The following SARS2 variants were observed in gnomAD, a reference collection of about 807,000 sequenced individuals.
SARS2 encodes seryl-tRNA synthetase 2, mitochondrial.
SARS2 carries 52 observed loss-of-function variants against 66.8 expected under a neutral mutation model. That is an observed-to-expected ratio of 0.78 (90% confidence interval 0.62 to 0.98). The LOEUF is 0.98. Ranked by LOEUF, SARS2 falls within the 50% of genes least tolerant of loss-of-function variation. SARS2 has a pLI of 0.00. For missense variants in SARS2, 673 were observed against 706.3 expected (o/e 0.95, Z 0.53); for synonymous variants, 306 against 281.4 (o/e 1.09, Z -0.87).
intron 1 of SARS2, among the ~76,000 whole-genome samples, chr19:38,926,555 G>A (rs1264010889): frequency 1.3e-5 from 2 of 152,200 alleles, no homozygotes; most frequent in African/African-American, 4.8e-5. Context: ...GGAGGCCAAG[G>A]TGGGTGGATC....
At chr19:38,919,697 T>C (rs1369635432) in intron 7 of SARS2, 65 bp downstream of exon 7, 23 of 1,232,732 alleles carry the variant, frequency 1.9e-5, no homozygotes, top group East Asian at 1.9e-4. Flanking sequence ...CCCATCCCCG[T>C]TGGGCCCTCT....
chr19:38,921,611 A>T lies in SARS2; in HGVS notation c.450T>A (p.Val150=). The change falls in exon 4 of 16, where the codon GTT becomes GTA. Residue 150 remains valine (V), a synonymous_variant. Coordinates refer to ENST00000221431, the MANE Select transcript of SARS2 (RefSeq NM_017827.4). ...ARGREIRKEL[V]HLYPREAQLE... ...GCTGGGCCTCCCTGGGGTACAGGTG[A>T]ACAAGCTCCTTCCGGATCTCCCGGC... 6.2e-7 allele frequency: 1 copy of T among 1,614,228 alleles called. No homozygotes were observed. The highest frequency in any genetic ancestry group is 8.5e-7 in the Non-Finnish European group (1 of 1,180,026).
At chr19:38,920,884 G>GAC (rs376790270) in intron 5 of SARS2, among the ~76,000 whole-genome samples, 32 of 146,384 alleles carry the variant, frequency 2.2e-4, no homozygotes, top group African/African-American at 3.0e-4. Flanking sequence ...GACACACACA[G>GAC]ACACACACAC....
rs1053564481 is a variant in SARS2 at position 38,930,729 on chromosome 19, G to A, written c.8C>T (p.Ala3Val). 4 of 1,613,120 alleles carry A rather than the reference G, an allele frequency of 2.5e-6. No homozygotes were observed. The highest frequency in any genetic ancestry group is 2.7e-5 in the African/African-American group (2 of 74,942). ...AGGCCACAAGCGCCGCGCCATGGAC[G>A]CAGCCATCTTGGACCGGGAACAAGG... MAASMARRLWPLL... is the reference protein window; with the variant it reads MAVSMARRLWPLL... The change falls in exon 1 of 16, where the codon GCG becomes GTG. Residue 3 changes from alanine to valine, a missense_variant. Coordinates refer to ENST00000221431, the MANE Select transcript of SARS2 (RefSeq NM_017827.4).
At chr19:38,924,905 A>C (rs1974602360) in intron 2 of SARS2, among the ~76,000 whole-genome samples, 1 of 152,152 alleles carries the variant, frequency 6.6e-6, no homozygotes, top group South Asian at 2.1e-4. Flanking sequence ...GAGGATTAAG[A>C]GTATGGAAAA....
intron 7 of SARS2, 145 bp from the exon 8 acceptor site, chr19:38,918,958 C>T (rs561716693): frequency 9.2e-5 from 71 of 774,728 alleles, no homozygotes; most frequent in Non-Finnish European, 1.4e-4. Context: ...CATGTAATCC[C>T]AGCACTTTGG....
At position 38,921,850 on chromosome 19, in the gene SARS2, A is replaced by T. The variant is rs985173136; in HGVS notation, c.394-183T>A. 3.0e-6 allele frequency: 4 copies of T among 1,326,560 alleles called. No individual in the cohort carries two copies. In the African/African-American group the frequency reaches 5.9e-5, roughly 19 times the overall value. 82.2% of individuals were successfully genotyped at this position (1,326,560 alleles called of 1,614,324 possible). ...ACATGGCAGGTTTGTGGGGAAAAGA[A>T]TCAGGCCTGGCCAACTAGAACGTTC... On this transcript the variant is annotated intron_variant, in intron 3 of 15. Transcript: ENST00000221431.
intron 6 of SARS2, 51 bp downstream of exon 6, chr19:38,920,035 G>C: frequency 2.0e-5 from 30 of 1,473,296 alleles, no homozygotes; most frequent in Non-Finnish European, 2.8e-5. Context: ...GCCAGCTGTC[G>C]GGGTGCAGGC....
In SARS2 at chr19:38,915,529, A is replaced by G. The variant is rs767767516; in HGVS notation, c.*77T>C. 2 of 1,563,466 alleles carry G rather than the reference A, an allele frequency of 1.3e-6. No homozygotes were observed. Among genetic ancestry groups the G allele is most frequent in the South Asian group, 2.2e-5 (2 of 89,024 alleles). On this transcript the variant is annotated 3_prime_UTR_variant, in exon 16 of 16. Transcript: ENST00000221431. ...CACAGATGTCAGGACGGGCTCAGCA[A>G]CACAGGTCCCAGGTGTCCGGGGTCT...
In SARS2 at chr19:38,921,390, AC is replaced by A. The variant is rs1303050166; in HGVS notation, c.589+1del. 4 of 1,612,704 alleles carry A rather than the reference AC, an allele frequency of 2.5e-6. No homozygotes were observed. In the Admixed American group the frequency reaches 6.7e-5, roughly 27 times the overall value. The stretch of plus-strand genomic sequence containing the variant: ...AGCTCCCAGGCCTGGGGTGTGGCCC[AC>A]CTGGCTTGTCTCCGACCATGTGGAG... On this transcript the variant is annotated splice_donor_variant, in intron 5 of 15. Coordinates refer to ENST00000221431, the MANE Select transcript of SARS2 (RefSeq NM_017827.4). LOFTEE classifies it high-confidence loss of function.
intron 3 of SARS2, 27 bp from the exon 4 acceptor site, chr19:38,921,694 C>T (rs745955527): frequency 2.5e-5 from 40 of 1,613,302 alleles, no homozygotes; most frequent in East Asian, 2.0e-4. Context: ...TGGGCTCAGC[C>T]CGGGAGAGGG....
In SARS2 at chr19:38,921,522, C is replaced by G; in HGVS notation, c.534+5G>C. 6.2e-7 allele frequency: 1 copy of G among 1,614,172 alleles called. No individual in the cohort carries two copies. The highest frequency in any genetic ancestry group is 8.5e-7 in the Non-Finnish European group (1 of 1,180,002). On this transcript the variant is annotated splice_donor_5th_base_variant and intron_variant, in intron 4 of 15. Coordinates refer to ENST00000221431, the MANE Select transcript of SARS2 (RefSeq NM_017827.4). ...GGCCTCCCTGCCACCCAGCACGGTG[C>G]TCACCACGTCTGGGTGGGTCTGGTT... is the stretch of plus-strand genomic sequence containing the variant.
rs924096165 is a variant in SARS2 at position 38,930,700 on chromosome 19, G to A, written c.37C>T (p.Leu13=). The A allele has an allele frequency of 3.1e-6, 5 of 1,613,712 alleles. No individual in the cohort carries two copies. In the African/African-American group the frequency reaches 4.0e-5, roughly 13 times the overall value. The stretch of plus-strand genomic sequence containing the variant: ...CGGGGCCGGAACCCCCGACGAGTCA[G>A]CAAAGGCCACAAGCGCCGCGCCATG... ...ASMARRLWPL[L]TRRGFRPRGG... is the part of the protein sequence containing the mutation. Residue 13 remains leucine, a synonymous_variant, in exon 1 of 16, where the codon CTG becomes TTG. Coordinates refer to ENST00000221431, the MANE Select transcript of SARS2 (RefSeq NM_017827.4).
Position 38,920,074 on chromosome 19 carries a change from G to A in SARS2, c.653+12C>T, listed in dbSNP as rs1425265925. On this transcript the variant is annotated intron_variant, in intron 6 of 15. Coordinates refer to ENST00000221431, the MANE Select transcript of SARS2 (RefSeq NM_017827.4). ...TGGGAGAGGGGCGTGGGGAGCCAGG[G>A]GAGGGGCTCACTTCTGACGGATGAT... 2.6e-6 allele frequency: 4 copies of A among 1,557,468 alleles called. No individual in the cohort carries two copies. Among genetic ancestry groups the A allele is most frequent in the Admixed American group, 1.9e-5 (1 of 51,608 alleles).
chr19:38,915,380 A>G lies in SARS2; in HGVS notation c.*226T>C, dbSNP rs987765155. 1.7e-5 allele frequency: 10 copies of G among 592,608 alleles called. 1 individual carries two copies. The Admixed American group carries it at 2.1e-4, about 12-fold the overall frequency. The allele number at this position is 592,608 out of a possible 1,614,324, so 36.7% of individuals were successfully genotyped here. The stretch of plus-strand genomic sequence containing the variant: ...CTGTCCCTAGAACCGTAAAGCCCAG[A>G]CGTCCTGCTTCCCACTGGGACCCTC... On this transcript the variant is annotated 3_prime_UTR_variant, in exon 16 of 16. Coordinates refer to ENST00000221431, the MANE Select transcript of SARS2 (RefSeq NM_017827.4).
At position 38,916,168 on chromosome 19, in the gene SARS2, G is replaced by T. The variant is rs765575189; in HGVS notation, c.1255-39C>A. On this transcript the variant is annotated intron_variant, in intron 13 of 15. Transcript: ENST00000221431. ...GCGGCAGGCTGAGCGGATCAGGGATGGGGGGCAGGCCTGTCCTCCTGCCCA... is the reference window on the plus strand; with the variant it reads ...GCGGCAGGCTGAGCGGATCAGGGATTGGGGGCAGGCCTGTCCTCCTGCCCA... The T allele has an allele frequency of 3.0e-5, 48 of 1,612,878 alleles. 1 individual carries two copies. In the African/African-American group the frequency reaches 3.6e-4, roughly 12 times the overall value.
chr19:38,927,592 ATTT>A (rs1974650584), intron 1 of SARS2, among the ~76,000 whole-genome samples: 1 of 151,384 alleles, frequency 6.6e-6, no homozygotes, highest in Admixed American at 6.6e-5. Context: ...AAAAAAAAAA[ATTT>A]ATTATTTTTT....
chr19:38,918,271 T>A, intron 9 of SARS2, 132 bp from the exon 10 acceptor site: 1 of 1,152,936 alleles, frequency 8.7e-7, no homozygotes, highest in Non-Finnish European at 1.3e-6. Context: ...ACTGTACTGC[T>A]GTACAGTAAA....
At chr19:38,921,898 G>T in intron 3 of SARS2, 1 of 1,427,898 alleles carries the variant, frequency 7.0e-7, no homozygotes. Flanking sequence ...CACAATGACT[G>T]GCTCAGAGAC....
Sources: gnomAD v4.1 joint callset for allele counts (sites outside exome capture counted in the v4.1 genomes callset) on GRCh38, gnomAD v4.1.1 for gene constraint, MANE v1.5 for transcripts, NCBI Gene and HGNC (gene_info 2026-07-23, HGNC 2026-07-21) for gene names.